Variants in LRRC1 observed in about 807,000 individuals in gnomAD.
LRRC1 encodes leucine-rich repeat-containing protein 1.
A neutral mutation model predicts 69.9 loss-of-function variants in LRRC1; 28 were observed. The ratio of observed to expected loss-of-function variants is 0.40; its 90% CI spans 0.30 to 0.55. The LOEUF is 0.55. Ranked by LOEUF, LRRC1 falls within the 20% of genes least tolerant of loss-of-function variation. The pLI, the probability that LRRC1 is intolerant of heterozygous loss-of-function variation, is 0.47. For missense variants in LRRC1, 498 were observed against 609.0 expected, an observed-to-expected ratio of 0.82 and a Z score of 1.92; for synonymous variants, 236 against 240.2, an observed-to-expected ratio of 0.98 and a Z score of 0.16.
chr6:53,876,319 A>G (rs932793066), intron 2 of LRRC1, among the ~76,000 whole-genome samples: 1 of 152,280 alleles, frequency 6.6e-6, no homozygotes, highest in East Asian at 1.9e-4. Flanking sequence ...GGTCCCTCCC[A>G]CAACACATGG....
chr6:53,879,846 C>G (rs1438374437), intron 3 of LRRC1, among the ~76,000 whole-genome samples: 2 of 152,060 alleles, frequency 1.3e-5, no homozygotes, highest in Non-Finnish European at 2.9e-5. Context: ...CTGGCTTAGT[C>G]GTGAGTCCAC....
intron 1 of LRRC1, among the ~76,000 whole-genome samples, chr6:53,795,759 T>A (rs4645422): frequency 6.6e-6 from 1 of 151,988 alleles, no homozygotes; most frequent in African/African-American, 2.4e-5. Flanking sequence ...TCGGGCTGTT[T>A]CCATCTGGAA....
intron 1 of LRRC1, among the ~76,000 whole-genome samples, chr6:53,806,034 C>G (rs1481326187): frequency 1.3e-5 from 2 of 152,156 alleles, no homozygotes; most frequent in Non-Finnish European, 2.9e-5. Context: ...TGTAGTTCCG[C>G]CTGTGGTGAA....
At chr6:53,903,402 G>C (rs1768125899) in intron 9 of LRRC1, among the ~76,000 whole-genome samples, 1 of 152,060 alleles carries the variant, frequency 6.6e-6, no homozygotes, top group African/African-American at 2.4e-5. Flanking sequence ...GTCTTTTCCT[G>C]TCCTGCTGCC....
At chr6:53,838,098 A>G (rs1163522263) in intron 1 of LRRC1, among the ~76,000 whole-genome samples, 1 of 152,186 alleles carries the variant, frequency 6.6e-6, no homozygotes, top group Non-Finnish European at 1.5e-5. Context: ...AAGGGTTTAT[A>G]GCTTAGTGAG....
chr6:53,880,429 A>G (rs764930253), intron 3 of LRRC1, among the ~76,000 whole-genome samples: 5 of 152,070 alleles, frequency 3.3e-5, no homozygotes, highest in African/African-American at 9.7e-5. Context: ...GAGCTCCTCT[A>G]TGTGCTATGT....
intron 2 of LRRC1, among the ~76,000 whole-genome samples, chr6:53,872,066 G>C (rs553896256): frequency 6.6e-6 from 1 of 152,190 alleles, no homozygotes; most frequent in Non-Finnish European, 1.5e-5. Context: ...TCCTTTGGTA[G>C]TTGTATAGTT....
At chr6:53,847,850 T>C (rs1487888973) in intron 2 of LRRC1, among the ~76,000 whole-genome samples, 1 of 152,252 alleles carries the variant, frequency 6.6e-6, no homozygotes, top group Non-Finnish European at 1.5e-5. Context: ...GTAACTCTAG[T>C]GTGCCTAAAA....
At chr6:53,841,491 T>C (rs936784514) in intron 1 of LRRC1, among the ~76,000 whole-genome samples, 2 of 152,310 alleles carry the variant, frequency 1.3e-5, no homozygotes, top group Middle Eastern at 3.4e-3. Flanking sequence ...TATTTCACAT[T>C]ATATTTATGT....
chr6:53,851,090 A>G (rs1163577662), intron 2 of LRRC1, among the ~76,000 whole-genome samples: 1 of 151,536 alleles, frequency 6.6e-6, no homozygotes, highest in African/African-American at 2.4e-5. Context: ...CACTTAATTG[A>G]ATGCTGGAAT....
chr6:53,915,706 G>A (rs1179628451), intron 11 of LRRC1, among the ~76,000 whole-genome samples: 1 of 152,178 alleles, frequency 6.6e-6, no homozygotes, highest in Admixed American at 6.5e-5. Flanking sequence ...GGGCTGGGAT[G>A]GAGAAAACCC....
chr6:53,834,862 T>C (rs1765567210), intron 1 of LRRC1, among the ~76,000 whole-genome samples: 1 of 152,176 alleles, frequency 6.6e-6, no homozygotes, highest in African/African-American at 2.4e-5. Flanking sequence ...CTCGGGACGC[T>C]GAGGCAGGAG....
intron 1 of LRRC1, among the ~76,000 whole-genome samples, chr6:53,808,833 C>T (rs904473830): frequency 6.6e-6 from 1 of 152,124 alleles, no homozygotes; most frequent in African/African-American, 2.4e-5. Flanking sequence ...GCCTGAGTGA[C>T]AGAGTGAGAC....
In LRRC1 at chr6:53,896,392, G is replaced by C. The variant is rs1767873597; in HGVS notation, c.447-106G>C. The stretch of plus-strand genomic sequence containing the variant: ...TTTACCCTGGTAAGTGACCTACTAG[G>C]TTTTATTAAGTGTTGCAACTTGTCC... On this transcript the variant is annotated intron_variant, in intron 4 of 13. Transcript: ENST00000370888. 11 of 894,556 alleles carry C rather than the reference G, an allele frequency of 1.2e-5. No homozygotes were observed. The East Asian group carries it at 2.7e-4, about 22-fold the overall frequency. The allele number at this position is 894,556 out of a possible 1,614,324, so 55.4% of individuals were successfully genotyped here. A position where few individuals can be genotyped will look rare whatever the true frequency, so the allele number is the denominator to read the frequency against.
intron 2 of LRRC1, among the ~76,000 whole-genome samples, chr6:53,869,428 A>G (rs184343563): frequency 5.2e-4 from 79 of 152,296 alleles, no homozygotes; most frequent in Admixed American, 1.4e-3. Flanking sequence ...TGTCCCCAGC[A>G]GAACATTTGG....
At chr6:53,807,314 G>A (rs550047678) in intron 1 of LRRC1, among the ~76,000 whole-genome samples, 2 of 152,302 alleles carry the variant, frequency 1.3e-5, no homozygotes, top group Admixed American at 6.5e-5. Flanking sequence ...TTATTGTTGA[G>A]TGCTGGCTGT....
At chr6:53,805,657 G>A (rs1408923415) in intron 1 of LRRC1, among the ~76,000 whole-genome samples, 3 of 152,188 alleles carry the variant, frequency 2.0e-5, no homozygotes, top group African/African-American at 7.2e-5. Flanking sequence ...ACCTCATGAA[G>A]TTGTATGAAA....
chr6:53,864,397 C>T (rs1192951367), intron 2 of LRRC1, among the ~76,000 whole-genome samples: 1 of 152,158 alleles, frequency 6.6e-6, no homozygotes, highest in Non-Finnish European at 1.5e-5. Context: ...CTCATTTTGT[C>T]TCTCCATATG....
chr6:53,890,698 T>TA, intron 4 of LRRC1, among the ~76,000 whole-genome samples: 1 of 152,334 alleles, frequency 6.6e-6, no homozygotes, highest in African/African-American at 2.4e-5. Context: ...AAAGCCACCG[T>TA]AAGAAAGTTT....
Sources: allele counts gnomAD v4.1 joint callset (sites outside exome capture counted in the v4.1 genomes callset), GRCh38; gene constraint gnomAD v4.1.1; transcripts MANE v1.5; gene names NCBI Gene and HGNC (gene_info 2026-07-23, HGNC 2026-07-21).